Variants in NIPBL observed in about 807,000 individuals in gnomAD.
NIPBL encodes the protein nipped-B-like protein.
Under a neutral mutation model 321.8 loss-of-function variants are expected in NIPBL, and 19 were observed. The ratio of observed to expected loss-of-function variants is 0.06; its 90% confidence interval spans 0.04 to 0.09. The LOEUF is 0.09. NIPBL is among the 10% of genes least tolerant of loss of function. The pLI, the probability that NIPBL is intolerant of heterozygous loss-of-function variation, is 1.00. For synonymous variants in NIPBL, 1,106 were observed against 1,114.1 expected, an observed-to-expected ratio of 0.99 and a Z score of 0.14; for missense variants, 2,210 against 3,327.0, an observed-to-expected ratio of 0.66 and a Z score of 8.26.
chr5:36,931,740 A>C (rs1006347261), intron 1 of NIPBL, among the ~76,000 whole-genome samples: 4 of 144,914 alleles, frequency 2.8e-5, no homozygotes, highest in African/African-American at 1.0e-4. Flanking sequence ...AATTTTGTTG[A>C]TTATTTTTTA....
At chr5:36,971,876 G>A in intron 7 of NIPBL, 69 bp from the exon 8 acceptor site, 4 of 1,542,226 alleles carry the variant, frequency 2.6e-6, no homozygotes, top group Non-Finnish European at 3.6e-6. Context: ...TCTCTTATTG[G>A]TTCTCTTTTA....
intron 41 of NIPBL, 21 bp downstream of exon 41, chr5:37,051,907 T>C (rs745578133): frequency 6.5e-6 from 10 of 1,531,346 alleles, no homozygotes; most frequent in Non-Finnish European, 9.1e-6. Flanking sequence ...TAACATTTTA[T>C]AACCTAAATT....
At chr5:37,014,462 C>T (rs866371248) in intron 21 of NIPBL, among the ~76,000 whole-genome samples, 14 of 152,166 alleles carry the variant, frequency 9.2e-5, no homozygotes, top group South Asian at 6.2e-4. Context: ...GTTACTCTTA[C>T]ATTATTTTAA....
At chr5:37,011,517 T>C (rs1349581078) in intron 21 of NIPBL, among the ~76,000 whole-genome samples, 1 of 152,200 alleles carries the variant, frequency 6.6e-6, no homozygotes, top group Non-Finnish European at 1.5e-5. Flanking sequence ...ATTGTGCCAC[T>C]GCACCCTGGC....
chr5:36,959,958 C>T (rs1291545352), intron 4 of NIPBL, among the ~76,000 whole-genome samples: 2 of 151,404 alleles, frequency 1.3e-5, no homozygotes, highest in African/African-American at 2.4e-5. Flanking sequence ...GTTGGCTGGG[C>T]GTGGTGGCTC....
chr5:36,933,532 A>G (rs972500817), intron 1 of NIPBL, among the ~76,000 whole-genome samples: 1 of 152,142 alleles, frequency 6.6e-6, no homozygotes, highest in Non-Finnish European at 1.5e-5. Context: ...CGATTTCAGG[A>G]AAGAAAAGGA....
chr5:37,048,700 T>G lies in NIPBL; in HGVS notation c.6763+25T>G, dbSNP rs773790762. ...TGTAAGTGAAAATATATTTTTAAAT[T>G]TCATAGCTACATTTATATTATAATG... On this transcript the variant is annotated intron_variant, in intron 39 of 46. Coordinates refer to ENST00000282516, the MANE Select transcript of NIPBL (RefSeq NM_133433.4). The G allele has an allele frequency of 6.6e-6, 10 of 1,513,358 alleles. No individual in the cohort carries two copies. The Admixed American group carries it at 1.0e-4, about 15-fold the overall frequency. 93.7% of individuals were successfully genotyped at this position (1,513,358 alleles called of 1,614,324 possible). A position where few individuals can be genotyped will look rare whatever the true frequency, so the allele number is the denominator to read the frequency against.
At position 36,985,962 on chromosome 5, in the gene NIPBL, G is replaced by A. The variant is rs780661057; in HGVS notation, c.2782G>A (p.Val928Ile). The A allele has an allele frequency of 6.2e-7, 1 of 1,613,934 alleles. No homozygotes were observed. Among genetic ancestry groups the A allele is most frequent in the Non-Finnish European group, 8.5e-7 (1 of 1,179,920 alleles). Reference protein sequence around the residue: ...DKRTEGNKSKVDTNKAHPDNK... With the variant: ...DKRTEGNKSKIDTNKAHPDNK... ...AAGGACAGAGGGTAACAAGAGTAAA[G>A]TAGACACTAATAAAGCACACCCTGA... is the stretch of plus-strand genomic sequence containing the variant. The change falls in exon 10 of 47, where the codon GTA becomes ATA. Residue 928 changes from valine to isoleucine, a missense_variant. Val to Ile is a conservative substitution (Grantham distance 29). Coordinates refer to ENST00000282516, the MANE Select transcript of NIPBL (RefSeq NM_133433.4).
At chr5:37,049,884 A>T (rs1164616936) in intron 40 of NIPBL, among the ~76,000 whole-genome samples, 2 of 152,226 alleles carry the variant, frequency 1.3e-5, no homozygotes, top group Admixed American at 1.3e-4. Flanking sequence ...AAGTGTATGT[A>T]TTAAGTAAGC....
rs1370536525 is a variant in NIPBL at position 37,046,747 on chromosome 5, A to G, written c.6589+548A>G. ...TGATGTAATAAAAACATGTTTTGCA[A>G]TTGTTAGGCAGGTCTATGTGGCTTA... On this transcript the variant is annotated intron_variant, in intron 38 of 46. Transcript: ENST00000282516. 3.3e-5 allele frequency among the ~76,000 whole-genome samples: 5 copies of G among 152,196 alleles called. No individual in the cohort carries two copies. The East Asian group carries it at 9.6e-4, about 29-fold the overall frequency.
chr5:36,907,443 T>G (rs1051055769), intron 1 of NIPBL, among the ~76,000 whole-genome samples: 1 of 152,162 alleles, frequency 6.6e-6, no homozygotes, highest in Admixed American at 6.5e-5. Flanking sequence ...TACCAGAAAT[T>G]AAAATAATAT....
Position 36,978,904 on chromosome 5 carries a change from G to A in NIPBL, c.1495+2502G>A, listed in dbSNP as rs187882452. On this transcript the variant is annotated intron_variant, in intron 9 of 46. Transcript: ENST00000282516. The stretch of plus-strand genomic sequence containing the variant: ...TTGGAGATCAGTTGTTTTTAGGTAT[G>A]TGGCTTTATTTCTGGGTTCTCTATC... 6.6e-5 allele frequency among the ~76,000 whole-genome samples: 10 copies of A among 151,972 alleles called. 1 individual carries two copies. The South Asian group carries it at 1.9e-3, about 28-fold the overall frequency.
intron 34 of NIPBL, among the ~76,000 whole-genome samples, chr5:37,043,955 G>A (rs1484134885): frequency 2.0e-5 from 3 of 152,136 alleles, no homozygotes; most frequent in African/African-American, 4.8e-5. Context: ...CAGGATACGG[G>A]GGAAGAAGCT....
intron 42 of NIPBL, 69 bp from the exon 43 acceptor site, chr5:37,057,117 A>T (rs1467189881): frequency 1.4e-5 from 22 of 1,561,458 alleles, no homozygotes; most frequent in Non-Finnish European, 1.7e-5. Flanking sequence ...TATTTTTTCT[A>T]AAAAAGGTTT....
intron 45 of NIPBL, among the ~76,000 whole-genome samples, chr5:37,061,904 C>T (rs778019299): frequency 5.3e-5 from 8 of 152,178 alleles, no homozygotes; most frequent in South Asian, 2.1e-4. Context: ...TGCAATGGCG[C>T]GATCTCGGCT....
intron 1 of NIPBL, among the ~76,000 whole-genome samples, chr5:36,898,541 C>T (rs925118371): frequency 9.9e-5 from 13 of 131,322 alleles, no homozygotes; most frequent in Admixed American, 2.6e-4. Context: ...GACGGAGTTT[C>T]GCTGTCATTG....
intron 1 of NIPBL, among the ~76,000 whole-genome samples, chr5:36,916,322 C>G (rs570901579): frequency 6.6e-6 from 1 of 152,304 alleles, no homozygotes; most frequent in African/African-American, 2.4e-5. Flanking sequence ...AAGAAACTGA[C>G]AATGTTTCTT....
intron 1 of NIPBL, among the ~76,000 whole-genome samples, chr5:36,937,774 A>T (rs1738609176): frequency 1.3e-5 from 2 of 152,136 alleles, no homozygotes; most frequent in African/African-American, 4.8e-5. Flanking sequence ...CTTACTAACA[A>T]GGAGACTTAA....
intron 1 of NIPBL, among the ~76,000 whole-genome samples, chr5:36,895,373 T>G (rs1746655105): frequency 6.6e-6 from 1 of 152,260 alleles, no homozygotes; most frequent in Non-Finnish European, 1.5e-5. Context: ...TGTCGCTTGA[T>G]GGACGCATGG....
Sources: gnomAD v4.1 joint callset for allele counts (sites outside exome capture counted in the v4.1 genomes callset) on GRCh38, gnomAD v4.1.1 for gene constraint, MANE v1.5 for transcripts, NCBI Gene and HGNC (gene_info 2026-07-23, HGNC 2026-07-21) for gene names.